The following RPRD1A variants were observed in gnomAD, a reference collection of about 807,000 sequenced individuals.
RPRD1A encodes the protein regulation of nuclear pre-mRNA domain-containing protein 1A.
Under a neutral mutation model 37.8 loss-of-function variants are expected in RPRD1A, and 9 were observed. That is an observed-to-expected ratio of 0.24 (90% CI 0.14 to 0.42). The LOEUF (loss-of-function observed/expected upper bound fraction) is 0.42. Ranked by LOEUF, RPRD1A falls within the 10% of genes least tolerant of loss-of-function variation. The probability of loss-of-function intolerance (pLI) is 1.00; values close to 1 mark genes in which losing one functional copy is unlikely to be tolerated. For synonymous variants in RPRD1A, 138 were observed against 139.7 expected, an observed-to-expected ratio of 0.99 and a Z score of 0.08; for missense variants, 255 against 371.0, an observed-to-expected ratio of 0.69 and a Z score of 2.57.
At chr18:35,999,329 C>G (rs552628226) in intron 6 of RPRD1A, among the ~76,000 whole-genome samples, 2 of 152,174 alleles carry the variant, frequency 1.3e-5, no homozygotes, top group South Asian at 4.1e-4. Flanking sequence ...TCAGATGCCT[C>G]CTTCATAAAA....
intron 1 of RPRD1A, 99 bp from the exon 2 acceptor site, chr18:36,033,936 C>T (rs1359373225): frequency 1.0e-6 from 1 of 958,256 alleles, no homozygotes; most frequent in Admixed American, 2.7e-5. Context: ...TAAAATAACC[C>T]TACTAACCTT....
At chr18:36,038,508 CAA>C (rs900742178) in intron 1 of RPRD1A, among the ~76,000 whole-genome samples, 13 of 152,238 alleles carry the variant, frequency 8.5e-5, no homozygotes, top group African/African-American at 3.1e-4. Context: ...GATGTCCAGG[CAA>C]AAGTCTGTTG....
At chr18:36,029,236 C>A (rs910127475) in intron 4 of RPRD1A, among the ~76,000 whole-genome samples, 1 of 152,100 alleles carries the variant, frequency 6.6e-6, no homozygotes, top group African/African-American at 2.4e-5. Context: ...TAATATAAAT[C>A]CACAGTTACA....
chr18:36,034,171 GGATT>G (rs1912019221), intron 1 of RPRD1A, among the ~76,000 whole-genome samples: 1 of 152,082 alleles, frequency 6.6e-6, no homozygotes, highest in Non-Finnish European at 1.5e-5. Context: ...ATTGAATTTA[GGATT>G]GTTTTAATAG....
At chr18:36,002,104 T>C (rs865901203) in intron 6 of RPRD1A, among the ~76,000 whole-genome samples, 13 of 152,270 alleles carry the variant, frequency 8.5e-5, no homozygotes, top group Middle Eastern at 3.4e-3. Flanking sequence ...CATTTTGGTA[T>C]CCTGCTTGGT....
chr18:36,031,697 A>C (rs1249928315), intron 2 of RPRD1A, among the ~76,000 whole-genome samples: 2 of 152,222 alleles, frequency 1.3e-5, no homozygotes, highest in Non-Finnish European at 2.9e-5. Context: ...GTAGACAGAA[A>C]CACTACTATC....
At chr18:36,042,590 T>A (rs929989849) in intron 1 of RPRD1A, among the ~76,000 whole-genome samples, 4 of 152,258 alleles carry the variant, frequency 2.6e-5, no homozygotes, top group Non-Finnish European at 5.9e-5. Flanking sequence ...GTACGTTTTT[T>A]AAATGTATTG....
At chr18:36,008,577 G>GTGTGTGTGTGTGTGTGTATATATATATA in intron 6 of RPRD1A, among the ~76,000 whole-genome samples, 1 of 47,802 alleles carries the variant, frequency 2.1e-5, no homozygotes, top group African/African-American at 6.8e-5. Flanking sequence ...CCTTGTGTGT[G>GTGTGTGTGTGTGTGTGTATATATATATA]TATATATATA....
At chr18:36,007,500 CAGAG>C (rs1909820105) in intron 6 of RPRD1A, among the ~76,000 whole-genome samples, 1 of 152,126 alleles carries the variant, frequency 6.6e-6, no homozygotes, top group African/African-American at 2.4e-5. Flanking sequence ...TGCAGGGATT[CAGAG>C]AAGGACACTG....
chr18:36,027,284 T>A lies in RPRD1A; in HGVS notation c.513A>T (p.Gln171His), dbSNP rs1431846788. Residue 171 changes from glutamine (Q) to histidine (H), a missense_variant, in exon 5 of 7, where the codon CAA becomes CAT. Coordinates refer to ENST00000399022, the MANE Select transcript of RPRD1A (RefSeq NM_018170.5). ...CACCTGAGGCTGCATTTTCCAGATC[T>A]TGTAATGCTCTAACGAGATCTAGAG... is the stretch of plus-strand genomic sequence containing the variant. ...PQTLDLVRAL[Q>H]DLENAASGDA... The A allele has an allele frequency of 6.8e-6, 11 of 1,613,824 alleles. No individual in the cohort carries two copies. Among genetic ancestry groups the A allele is most frequent in the Non-Finnish European group, 5.9e-6 (7 of 1,179,856 alleles).
intron 6 of RPRD1A, chr18:36,025,398 T>C: frequency 3.1e-6 from 1 of 325,360 alleles, no homozygotes. Context: ...CTGTCAACTA[T>C]GAAATGTGGC....
intron 6 of RPRD1A, among the ~76,000 whole-genome samples, chr18:36,000,960 A>G (rs1490195880): frequency 6.6e-6 from 1 of 152,180 alleles, no homozygotes; most frequent in African/African-American, 2.4e-5. Flanking sequence ...CAGTGACAGG[A>G]CAACTAGTTA....
intron 1 of RPRD1A, chr18:36,064,125 G>C (rs73946765): frequency 6.6e-6 from 1 of 152,226 alleles, no homozygotes; most frequent in Admixed American, 6.5e-5. Flanking sequence ...GCGCCTCCTC[G>C]GCCTCGGCGT....
At chr18:36,060,577 C>A (rs112091398) in intron 1 of RPRD1A, among the ~76,000 whole-genome samples, 6 of 152,070 alleles carry the variant, frequency 3.9e-5, no homozygotes, top group South Asian at 2.1e-4. Flanking sequence ...GTTAATTCAA[C>A]GAATATTTAA....
At chr18:36,047,467 A>G (rs1247749834) in intron 1 of RPRD1A, among the ~76,000 whole-genome samples, 2 of 152,156 alleles carry the variant, frequency 1.3e-5, no homozygotes, top group African/African-American at 4.8e-5. Context: ...AAGGAATGAA[A>G]TAATAAAGGT....
chr18:36,067,194 C>G, intron 1 of RPRD1A, 60 bp downstream of exon 1: 1 of 1,500,482 alleles, frequency 6.7e-7, no homozygotes, highest in Non-Finnish European at 9.0e-7. Flanking sequence ...ACGGGGTTCC[C>G]GGGGGCGCCT....
At chr18:36,005,145 C>CA (rs1405238913) in intron 6 of RPRD1A, among the ~76,000 whole-genome samples, 1 of 151,896 alleles carries the variant, frequency 6.6e-6, no homozygotes, top group South Asian at 2.1e-4. Flanking sequence ...GCTAAAAATA[C>CA]AAAAAATTCT....
chr18:36,019,378 A>C (rs1359254044), intron 6 of RPRD1A, among the ~76,000 whole-genome samples: 1 of 152,076 alleles, frequency 6.6e-6, no homozygotes, highest in Non-Finnish European at 1.5e-5. Context: ...AAGTGCTGGG[A>C]TTACAGGCAT....
Position 36,030,862 on chromosome 18 carries a change from C to T in RPRD1A, c.432G>A (p.Lys144=), listed in dbSNP as rs761397530. 2 of 1,613,370 alleles carry T rather than the reference C, an allele frequency of 1.2e-6. No homozygotes were observed. The highest frequency in any genetic ancestry group is 1.1e-5 in the South Asian group (1 of 91,026). ...AGGAACAGTTTTCATTTTCATCCACCTTTATCTGTTCATAAGTTCGCTTCC... is the reference window on the plus strand; with the variant it reads ...AGGAACAGTTTTCATTTTCATCCACTTTTATCTGTTCATAAGTTCGCTTCC... The part of the protein sequence containing the change: ...KPRKRTYEQI[K]VDENENCSSL... The change falls in exon 4 of 7, where the codon AAG becomes AAA. Residue 144 remains lysine (K), a synonymous_variant. Coordinates refer to ENST00000399022, the MANE Select transcript of RPRD1A (RefSeq NM_018170.5).
Sources: allele counts gnomAD v4.1 joint callset (sites outside exome capture counted in the v4.1 genomes callset), GRCh38; gene constraint gnomAD v4.1.1; transcripts MANE v1.5; gene names NCBI Gene and HGNC (gene_info 2026-07-23, HGNC 2026-07-21).